The following PFKM variants were observed in gnomAD, a reference collection of about 807,000 sequenced individuals.
PFKM encodes the protein phosphofructokinase, muscle.
Under a neutral mutation model 95.5 loss-of-function variants are expected in PFKM, and 58 were observed. That is an observed-to-expected ratio of 0.61 (90% CI 0.49 to 0.76). The LOEUF (loss-of-function observed/expected upper bound fraction) is 0.76. Ranked by LOEUF, PFKM falls within the 30% of genes least tolerant of loss-of-function variation. PFKM has a pLI of 0.00. For missense variants in PFKM, 678 were observed against 1,005.4 expected, an observed-to-expected ratio of 0.67 and a Z score of 4.40; for synonymous variants, 336 against 357.2, an observed-to-expected ratio of 0.94 and a Z score of 0.67.
intron 2 of PFKM, among the ~76,000 whole-genome samples, chr12:48,124,117 A>G (rs1462976845): frequency 1.3e-5 from 2 of 152,248 alleles, no homozygotes; most frequent in Non-Finnish European, 2.9e-5. Flanking sequence ...TATGATACTT[A>G]TTAGTATATT....
At chr12:48,131,786 C>T (rs1228674602) in intron 4 of PFKM, 1 of 362,154 alleles carries the variant, frequency 2.8e-6, no homozygotes, top group Admixed American at 3.8e-5. Flanking sequence ...GATGAGGTGA[C>T]CTGAAACCAG....
chr12:48,125,248 C>T, intron 2 of PFKM: 1 of 417,572 alleles, frequency 2.4e-6, no homozygotes, highest in South Asian at 1.7e-5. Context: ...CTCAGTCAGT[C>T]ATCTGCTCTG....
At chr12:48,125,405 C>T (rs149227707) in intron 2 of PFKM, 7,277 of 425,956 alleles carry the variant, frequency 0.017, 152 homozygotes, top group African/African-American at 0.059. Context: ...GCAGATCACC[C>T]GAGGTTGGGA....
upstream of PFKM, chr12:48,119,226 A>T: frequency 1.0e-6 from 1 of 973,898 alleles, no homozygotes; most frequent in Non-Finnish European, 1.2e-6. Context: ...GGAGAAAGGC[A>T]AGCAGGAGGA....
At chr12:48,142,663 G>A (rs1369728078) in intron 17 of PFKM, 119 bp from the exon 18 acceptor site, 4 of 981,128 alleles carry the variant, frequency 4.1e-6, no homozygotes, top group Non-Finnish European at 6.6e-6. Context: ...TGAGCTCTAA[G>A]GGCCCTGCTA....
Position 48,141,311 on chromosome 12 carries a change from A to G in PFKM, c.1342A>G (p.Ile448Val), listed in dbSNP as rs999982069. The G allele has an allele frequency of 6.2e-7, 1 of 1,613,984 alleles. No homozygotes were observed. The highest frequency in any genetic ancestry group is 1.3e-5 in the African/African-American group (1 of 74,912). ...AGAGCTCTGTGGCTTATCCCCACAG[A>G]TAGAGGAAGCTGGCTGGAGCTATGT... Reference protein sequence around the residue: ...DGFEGLAKGQIEEAGWSYVGG... With the variant: ...DGFEGLAKGQVEEAGWSYVGG... Residue 448 changes from isoleucine (I) to valine (V), a missense_variant and splice_region_variant, in exon 15 of 23, where the codon ATA becomes GTA. By Grantham distance (29) the Ile-to-Val change is conservative. Coordinates refer to ENST00000359794, the MANE Select transcript of PFKM (RefSeq NM_000289.6).
chr12:48,143,646 C>T (rs1008392365), intron 18 of PFKM, 107 bp from the exon 19 acceptor site: 13 of 840,000 alleles, frequency 1.5e-5, no homozygotes, highest in African/African-American at 1.3e-4. Flanking sequence ...GTAAACAACT[C>T]TCTTCCATGT....
intron 3 of PFKM, among the ~76,000 whole-genome samples, chr12:48,109,013 G>T (rs1249905910): frequency 6.6e-6 from 1 of 152,164 alleles, no homozygotes; most frequent in Non-Finnish European, 1.5e-5. Flanking sequence ...TCAGTATTTA[G>T]CCATATTTTT....
intron 3 of PFKM, among the ~76,000 whole-genome samples, chr12:48,110,645 C>G (rs1318855161): frequency 6.6e-6 from 1 of 152,178 alleles, no homozygotes; most frequent in Non-Finnish European, 1.5e-5. Context: ...CACAGGGACT[C>G]CCTCCAGGGT....
At position 48,145,735 on chromosome 12, in the gene PFKM, T is replaced by G. The variant is rs989052611; in HGVS notation, c.*27T>G. The G allele has an allele frequency of 1.2e-6, 2 of 1,611,726 alleles. No homozygotes were observed. The highest frequency in any genetic ancestry group is 1.7e-6 in the Non-Finnish European group (2 of 1,177,856). ...CCTCTCTGGAGTGAGGGGAATAGAT[T>G]ACCTGATCATGGTCAGCTCACACCC... On this transcript the variant is annotated 3_prime_UTR_variant, in exon 23 of 23. Coordinates refer to ENST00000359794, the MANE Select transcript of PFKM (RefSeq NM_000289.6). The surrounding 1 kb of genome is among the most constrained non-coding windows in gnomAD (Gnocchi z 4.3).
At chr12:48,106,726 G>A (rs201549616) in intron 1 of PFKM, among the ~76,000 whole-genome samples, 1 of 114,100 alleles carries the variant, frequency 8.8e-6, no homozygotes, top group Non-Finnish European at 1.8e-5. Context: ...AAACAAACAA[G>A]CAACTTGAGG....
Position 48,140,773 on chromosome 12 carries a change from A to C in PFKM, c.1243A>C (p.Met415Leu). 1 of 1,614,196 alleles carries C rather than the reference A, an allele frequency of 6.2e-7. No individual in the cohort carries two copies. The highest frequency in any genetic ancestry group is 8.5e-7 in the Non-Finnish European group (1 of 1,180,016). The part of the protein sequence containing the change: ...VMNVGAPAAG[M>L]NAAVRSTVRI... ...GAACGTGGGGGCTCCGGCTGCAGGC[A>C]TGAATGCTGCTGTTCGCTCCACTGT... Residue 415 changes from methionine (M) to leucine (L), a missense_variant, in exon 14 of 23, where the codon ATG becomes CTG. Coordinates refer to ENST00000359794, the MANE Select transcript of PFKM (RefSeq NM_000289.6).
At chr12:48,107,462 T>G in intron 2 of PFKM, 3 of 1,558,136 alleles carry the variant, frequency 1.9e-6, no homozygotes, top group Non-Finnish European at 2.6e-6. Flanking sequence ...ACAGGTACCC[T>G]TGTCTCCTGA....
chr12:48,109,847 T>C (rs1309298418), intron 3 of PFKM, among the ~76,000 whole-genome samples: 1 of 152,214 alleles, frequency 6.6e-6, no homozygotes, highest in African/African-American at 2.4e-5. Flanking sequence ...CTTCCCTTCC[T>C]CCTTCCCTCC....
chr12:48,107,845 C>T (rs1946832836), intron 2 of PFKM, among the ~76,000 whole-genome samples: 1 of 152,164 alleles, frequency 6.6e-6, no homozygotes, highest in African/African-American at 2.4e-5. Flanking sequence ...GAAAAATGGC[C>T]TTCTCATCCA....
Position 48,132,807 on chromosome 12 carries a change from A to G in PFKM, c.238-61A>G, listed in dbSNP as rs372900977. The G allele has an allele frequency of 1.0e-5, 14 of 1,387,078 alleles. No individual in the cohort carries two copies. The East Asian group carries it at 3.2e-4, about 32-fold the overall frequency. The allele number at this position is 1,387,078 out of a possible 1,614,324, so 85.9% of individuals were successfully genotyped here. A position where few individuals can be genotyped will look rare whatever the true frequency, so the allele number is the denominator to read the frequency against. On this transcript the variant is annotated intron_variant, in intron 4 of 22. Coordinates refer to ENST00000359794, the MANE Select transcript of PFKM (RefSeq NM_000289.6). ...TGTTAGGCCATCACAGCATTGGAAT[A>G]GGGGATATCTCAGCATGTTGAGCCC...
intron 1 of PFKM, 113 bp from the exon 2 acceptor site, chr12:48,122,654 G>A: frequency 6.4e-7 from 1 of 1,557,628 alleles, no homozygotes. Context: ...CTCAGACTTG[G>A]TATAGTGGGA....
intron 3 of PFKM, among the ~76,000 whole-genome samples, chr12:48,114,070 GGCC>G (rs1174721997): frequency 5.9e-5 from 9 of 152,094 alleles, no homozygotes; most frequent in Non-Finnish European, 1.3e-4. Flanking sequence ...CTGGGGAATC[GGCC>G]GGATAGTTCC....
At chr12:48,140,986 A>G (rs971275203) in intron 14 of PFKM, 115 bp downstream of exon 14, 9 of 1,122,130 alleles carry the variant, frequency 8.0e-6, no homozygotes, top group Non-Finnish European at 1.2e-5. Flanking sequence ...CTCCTCTCTC[A>G]GGGTCCAGGC....
Sources: gnomAD v4.1 joint callset for allele counts (sites outside exome capture counted in the v4.1 genomes callset) on GRCh38, gnomAD v4.1.1 for gene constraint, Gnocchi (gnomAD v3.1) non-coding constraint, MANE v1.5 for transcripts, NCBI Gene and HGNC (gene_info 2026-07-23, HGNC 2026-07-21) for gene names.